The following PDSS2 variants were observed in gnomAD, a reference collection of about 807,000 sequenced individuals.
The protein encoded by PDSS2 is all trans-polyprenyl-diphosphate synthase PDSS2.
PDSS2 carries 31 observed loss-of-function variants against 44.5 expected under a neutral mutation model. The observed-to-expected ratio is 0.70, with a 90% CI of 0.52 to 0.94. The LOEUF is 0.94. Ranked by LOEUF, PDSS2 falls within the 40% of genes least tolerant of loss-of-function variation. PDSS2 has a pLI of 0.00. For synonymous variants in PDSS2, 157 were observed against 180.3 expected (o/e 0.87, Z 1.03); for missense variants, 452 against 482.2 (o/e 0.94, Z 0.59).
chr6:107,317,546 T>A (rs563571274), intron 2 of PDSS2, among the ~76,000 whole-genome samples: 33 of 152,294 alleles, frequency 2.2e-4, no homozygotes, highest in African/African-American at 7.7e-4. Context: ...TGACCATGTG[T>A]TCTGCAAAGA....
intron 1 of PDSS2, among the ~76,000 whole-genome samples, chr6:107,380,642 A>G (rs1779428039): frequency 6.6e-6 from 1 of 152,162 alleles, no homozygotes; most frequent in African/African-American, 2.4e-5. Flanking sequence ...CAGTCTCCAG[A>G]CACTAGTCAA....
intron 7 of PDSS2, among the ~76,000 whole-genome samples, chr6:107,178,613 G>T (rs1450635677): frequency 6.6e-6 from 1 of 152,204 alleles, no homozygotes; most frequent in Non-Finnish European, 1.5e-5. Context: ...AATTATGTTA[G>T]ATTATAGACT....
At chr6:107,179,109 C>A (rs531275994) in intron 7 of PDSS2, among the ~76,000 whole-genome samples, 11 of 152,286 alleles carry the variant, frequency 7.2e-5, no homozygotes, top group Admixed American at 6.5e-4. Flanking sequence ...AAAGGTCTAC[C>A]CATTTTTCTG....
chr6:107,445,569 A>G (rs1327355773), intron 1 of PDSS2, among the ~76,000 whole-genome samples: 2 of 152,242 alleles, frequency 1.3e-5, no homozygotes, highest in Non-Finnish European at 2.9e-5. Context: ...ATAGCCTCAC[A>G]TCAATCCAGG....
At chr6:107,377,950 T>C (rs1212702257) in intron 1 of PDSS2, among the ~76,000 whole-genome samples, 5 of 151,820 alleles carry the variant, frequency 3.3e-5, no homozygotes. Context: ...GACGAGTTAA[T>C]GGGTGCAGCA....
chr6:107,168,959 A>G (rs2114356537), intron 7 of PDSS2, among the ~76,000 whole-genome samples: 1 of 152,020 alleles, frequency 6.6e-6, no homozygotes, highest in East Asian at 1.9e-4. Flanking sequence ...TGCGTCTTGG[A>G]GTTGCTCTTC....
intron 2 of PDSS2, among the ~76,000 whole-genome samples, chr6:107,275,227 A>G (rs1332352133): frequency 1.3e-5 from 2 of 152,172 alleles, no homozygotes; most frequent in Admixed American, 1.3e-4. Context: ...TGACAAAAGT[A>G]TTACTTTTAT....
At chr6:107,192,295 A>G in intron 7 of PDSS2, 2 of 443,570 alleles carry the variant, frequency 4.5e-6, no homozygotes, top group Non-Finnish European at 8.7e-6. Flanking sequence ...AAAAGGAGAG[A>G]CGGTCCCAAC....
intron 1 of PDSS2, among the ~76,000 whole-genome samples, chr6:107,386,459 G>A (rs1465872747): frequency 6.6e-6 from 1 of 151,294 alleles, no homozygotes; most frequent in Non-Finnish European, 1.5e-5. Flanking sequence ...AATGTTCTAA[G>A]GCTCACAGCA....
intron 1 of PDSS2, among the ~76,000 whole-genome samples, chr6:107,393,086 T>G (rs1309559748): frequency 6.6e-6 from 1 of 152,140 alleles, no homozygotes; most frequent in Admixed American, 6.5e-5. Flanking sequence ...TCCTTTACAT[T>G]AGGTTTAATT....
chr6:107,242,259 A>G (rs1328407227), intron 4 of PDSS2, among the ~76,000 whole-genome samples: 1 of 151,262 alleles, frequency 6.6e-6, no homozygotes, highest in African/African-American at 2.4e-5. Context: ...TTTTGAAAAA[A>G]TTATTATTAT....
At chr6:107,421,815 C>CACAG (rs1780833204) in intron 1 of PDSS2, among the ~76,000 whole-genome samples, 1 of 150,984 alleles carries the variant, frequency 6.6e-6, no homozygotes, top group Non-Finnish European at 1.5e-5. Flanking sequence ...AGAACACACA[C>CACAG]ACACACACAC....
At chr6:107,212,391 G>A in intron 4 of PDSS2, 109 bp from the exon 5 acceptor site, 1 of 846,652 alleles carries the variant, frequency 1.2e-6, no homozygotes, top group South Asian at 1.7e-5. Flanking sequence ...AAACACTCAG[G>A]CTATTGGAAC....
intron 1 of PDSS2, among the ~76,000 whole-genome samples, chr6:107,435,281 AACACACACACAC>A (rs57353175): frequency 0.019 from 2,486 of 133,758 alleles, 63 homozygotes; most frequent in Admixed American, 0.053. Flanking sequence ...ACTGCCTCAA[AACACACACACAC>A]ACACACACAC....
At position 107,459,035 on chromosome 6, in the gene PDSS2, A is replaced by G. The variant is rs1379975466; in HGVS notation, c.251T>C (p.Val84Ala). 2 of 1,614,158 alleles carry G rather than the reference A, an allele frequency of 1.2e-6. No individual in the cohort carries two copies. The highest frequency in any genetic ancestry group is 1.7e-6 in the Non-Finnish European group (2 of 1,180,030). ...GTGCTGAGTGCCCACCAGCTTCCGC[A>G]CCTGCATAGCGATGTTGCTGAGCTC... The part of the protein sequence containing the change: ...SDELSNIAMQ[V>A]RKLVGTQHPL... The change falls in exon 1 of 8, where the codon GTG becomes GCG. Residue 84 changes from valine to alanine, a missense_variant. Coordinates refer to ENST00000369037, the MANE Select transcript of PDSS2 (RefSeq NM_020381.4). The surrounding 1 kb of genome is among the most constrained non-coding windows in gnomAD (Gnocchi z 4.3).
At chr6:107,389,676 G>C (rs1172966529) in intron 1 of PDSS2, among the ~76,000 whole-genome samples, 3 of 152,250 alleles carry the variant, frequency 2.0e-5, no homozygotes, top group East Asian at 1.9e-4. Context: ...AATAATTATA[G>C]AAACATGTGT....
At chr6:107,217,452 A>C (rs1358780577) in intron 4 of PDSS2, among the ~76,000 whole-genome samples, 1 of 152,298 alleles carries the variant, frequency 6.6e-6, no homozygotes, top group East Asian at 1.9e-4. Flanking sequence ...CCAAGGAATA[A>C]ACATGGAAAT....
intron 2 of PDSS2, among the ~76,000 whole-genome samples, chr6:107,286,140 A>AT (rs1554262538): frequency 9.9e-5 from 12 of 120,604 alleles, no homozygotes; most frequent in Non-Finnish European, 1.4e-4. Flanking sequence ...GCAAAATAAA[A>AT]AAAAAAAAAA....
At chr6:107,245,386 T>A (rs1468524370) in intron 4 of PDSS2, among the ~76,000 whole-genome samples, 162 bp downstream of exon 4, 1 of 123,510 alleles carries the variant, frequency 8.1e-6, no homozygotes, top group African/African-American at 3.2e-5. Context: ...GTAGTAAGCG[T>A]ATGGCCATGA....
Sources: gnomAD v4.1 joint callset for allele counts (sites outside exome capture counted in the v4.1 genomes callset) on GRCh38, gnomAD v4.1.1 for gene constraint, Gnocchi (gnomAD v3.1) non-coding constraint, MANE v1.5 for transcripts, NCBI Gene and HGNC (gene_info 2026-07-23, HGNC 2026-07-21) for gene names.